KIAA0753: variants seen among roughly 807,000 people sequenced by gnomAD.
The protein encoded by KIAA0753 is protein moonraker.
In KIAA0753, 114 loss-of-function variants were observed where a neutral mutation model predicts 116.9. The ratio of observed to expected loss-of-function variants is 0.98; its 90% CI spans 0.84 to 1.14. The LOEUF is 1.14. KIAA0753 is among the 50% of genes most tolerant of loss of function. The pLI, the probability that KIAA0753 is intolerant of heterozygous loss-of-function variation, is 0.00. For missense variants in KIAA0753, 1,156 were observed against 1,172.4 expected (o/e 0.99, Z 0.20); for synonymous variants, 405 against 413.1 (o/e 0.98, Z 0.24).
chr17:6,623,583 AG>A lies in KIAA0753; in HGVS notation c.826-13del, dbSNP rs1322165004. The stretch of plus-strand genomic sequence containing the variant: ...TGGATTTCTTTTACCTGTTTTGTAA[AG>A]GGGAAAAAAGAAAACTTCATACCTT... On this transcript the variant is annotated splice_polypyrimidine_tract_variant and intron_variant, in intron 4 of 18. Coordinates refer to ENST00000361413, the MANE Select transcript of KIAA0753 (RefSeq NM_014804.3). The A allele has an allele frequency of 1.9e-6, 3 of 1,604,944 alleles. No individual in the cohort carries two copies. In the African/African-American group the frequency reaches 4.0e-5, roughly 22 times the overall value.
chr17:6,591,056 GAA>G (rs67532461), intron 16 of KIAA0753, among the ~76,000 whole-genome samples: 32,230 of 91,256 alleles, frequency 0.35, 5,352 homozygotes, highest in Admixed American at 0.45. Context: ...AGAAGAAGAA[GAA>G]GAAGAAGAAG....
At chr17:6,594,890 A>C in intron 16 of KIAA0753, 82 bp downstream of exon 16, 1 of 998,210 alleles carries the variant, frequency 1.0e-6, no homozygotes, top group Non-Finnish European at 1.6e-6. Flanking sequence ...AGCAGTGTTT[A>C]CTATACAATT....
At chr17:6,623,246 G>A (rs1329318609) in intron 5 of KIAA0753, 149 bp from the exon 6 acceptor site, 2 of 849,972 alleles carry the variant, frequency 2.4e-6, no homozygotes, top group African/African-American at 3.4e-5. Flanking sequence ...GAGTTGTAAA[G>A]TTTAAAGTTT....
rs1305713684 is a variant in KIAA0753 at position 6,589,828 on chromosome 17, T to C, written c.2737A>G (p.Ile913Val). Residue 913 changes from isoleucine to valine, a missense_variant, in exon 18 of 19, where the codon ATA becomes GTA. Transcript: ENST00000361413. ...AAGGAGCCTACAGCCTCATGAGATA[T>C]GATCCGAAGGTACTGCTCAAAACGA... ...CSRFEQYLRI[I>V]SHEAVGSFNP... The C allele has an allele frequency of 6.2e-7, 1 of 1,614,038 alleles. No homozygotes were observed. Among genetic ancestry groups the C allele is most frequent in the South Asian group, 1.1e-5 (1 of 91,048 alleles).
chr17:6,631,968 C>T (rs1206619241), intron 2 of KIAA0753, among the ~76,000 whole-genome samples: 11 of 152,212 alleles, frequency 7.2e-5, no homozygotes, highest in South Asian at 2.1e-4. Context: ...CTGCAACCTC[C>T]GCCTCCTGGG....
chr17:6,591,555 T>G (rs141197940), intron 16 of KIAA0753, among the ~76,000 whole-genome samples: 32 of 152,344 alleles, frequency 2.1e-4, no homozygotes, highest in African/African-American at 7.2e-4. Context: ...ATTCCATGAT[T>G]CCAGAATGTG....
At chr17:6,593,942 G>A (rs959267277) in intron 16 of KIAA0753, among the ~76,000 whole-genome samples, 4 of 152,134 alleles carry the variant, frequency 2.6e-5, no homozygotes, top group Non-Finnish European at 4.4e-5. Context: ...CCTTCACCAG[G>A]ATGGTTACCA....
chr17:6,615,020 A>G (rs991349820), intron 7 of KIAA0753, among the ~76,000 whole-genome samples: 1 of 152,118 alleles, frequency 6.6e-6, no homozygotes, highest in Non-Finnish European at 1.5e-5. Context: ...GCTGGTCTCA[A>G]ACTCCTGACC....
intron 15 of KIAA0753, among the ~76,000 whole-genome samples, chr17:6,595,565 A>G (rs1969408000): frequency 6.6e-6 from 1 of 152,230 alleles, no homozygotes; most frequent in South Asian, 2.1e-4. Flanking sequence ...TCATGGTGCG[A>G]TGGAAAAGAA....
At chr17:6,581,620 T>C (rs1462208370) in intron 18 of KIAA0753, among the ~76,000 whole-genome samples, 7 of 152,246 alleles carry the variant, frequency 4.6e-5, no homozygotes. Context: ...CATCACTTCT[T>C]CTCCATTTAA....
rs934280685 is a variant in KIAA0753, at chr17:6,611,587, C to T, written c.1545+332G>A. 2.6e-5 allele frequency among the ~76,000 whole-genome samples: 4 copies of T among 152,044 alleles called. No individual in the cohort carries two copies. The East Asian group carries it at 5.8e-4, about 22-fold the overall frequency. On this transcript the variant is annotated intron_variant, in intron 8 of 18. Coordinates refer to ENST00000361413, the MANE Select transcript of KIAA0753 (RefSeq NM_014804.3). Reference sequence around the variant, plus strand: ...GATTATAGGCCTGAGACACCACACCCGGCAGGAACCAAATCTTAATCCCCT... The same window carrying T: ...GATTATAGGCCTGAGACACCACACCTGGCAGGAACCAAATCTTAATCCCCT...
intron 3 of KIAA0753, among the ~76,000 whole-genome samples, chr17:6,626,851 G>C (rs980117498): frequency 1.3e-5 from 2 of 152,172 alleles, no homozygotes; most frequent in African/African-American, 2.4e-5. Context: ...TGAAAGCTCT[G>C]TTCTAACAGT....
At chr17:6,638,882 C>T (rs1401446207) in intron 1 of KIAA0753, 3 of 153,340 alleles carry the variant, frequency 2.0e-5, no homozygotes, top group Non-Finnish European at 4.3e-5. Flanking sequence ...TGTTGTATCC[C>T]CCACAGGCCT....
chr17:6,595,750 CTG>C (rs1969421972), intron 15 of KIAA0753, among the ~76,000 whole-genome samples: 1 of 152,176 alleles, frequency 6.6e-6, no homozygotes, highest in Admixed American at 6.5e-5. Context: ...ATAAAATTAT[CTG>C]TGATTTGATA....
chr17:6,627,364 T>A (rs1324642549), intron 3 of KIAA0753, among the ~76,000 whole-genome samples: 1 of 152,240 alleles, frequency 6.6e-6, no homozygotes, highest in Non-Finnish European at 1.5e-5. Context: ...TATAGGTACA[T>A]ATGCATATAT....
At chr17:6,591,697 G>C (rs554853236) in intron 16 of KIAA0753, among the ~76,000 whole-genome samples, 1 of 152,356 alleles carries the variant, frequency 6.6e-6, no homozygotes, top group African/African-American at 2.4e-5. Flanking sequence ...TAAGTCCTCT[G>C]TAAGACTGTC....
At chr17:6,582,072 T>C (rs1443240125) in intron 18 of KIAA0753, among the ~76,000 whole-genome samples, 1 of 152,222 alleles carries the variant, frequency 6.6e-6, no homozygotes, top group Non-Finnish European at 1.5e-5. Context: ...CCTGTATCTA[T>C]TTCTACGTCT....
Position 6,628,131 on chromosome 17 carries a change from T to G in KIAA0753, c.704A>C (p.Glu235Ala). 3.1e-6 allele frequency: 5 copies of G among 1,607,020 alleles called. No individual in the cohort carries two copies. The highest frequency in any genetic ancestry group is 3.4e-6 in the Non-Finnish European group (4 of 1,177,206). ...ELSSCIHKIE[E>A]VTKKDRLEEA... ...ATTTTTCTCACCTTTTTTAGTTACC[T>G]CTTCAATTTTGTGGATACAACTGCT... Residue 235 changes from glutamate to alanine, a missense_variant, in exon 3 of 19, where the codon GAG becomes GCG. By Grantham distance (107) the Glu-to-Ala change is moderately radical. Coordinates refer to ENST00000361413, the MANE Select transcript of KIAA0753 (RefSeq NM_014804.3).
chr17:6,609,927 G>A, intron 9 of KIAA0753, 67 bp downstream of exon 9: 1 of 1,551,908 alleles, frequency 6.4e-7, no homozygotes, highest in Non-Finnish European at 8.8e-7. Context: ...TAAGCTACAG[G>A]TCACCTTTGA....
Sources: allele counts gnomAD v4.1 joint callset (sites outside exome capture counted in the v4.1 genomes callset), GRCh38; gene constraint gnomAD v4.1.1; transcripts MANE v1.5; gene names NCBI Gene and HGNC (gene_info 2026-07-23, HGNC 2026-07-21).